CDKAL1: variants seen among roughly 807,000 people sequenced by gnomAD.
The protein encoded by CDKAL1 is threonylcarbamoyladenosine tRNA methylthiotransferase.
Under a neutral mutation model 68.2 loss-of-function variants are expected in CDKAL1, and 32 were observed. The ratio of observed to expected loss-of-function variants is 0.47; its 90% CI spans 0.35 to 0.63. The LOEUF (loss-of-function observed/expected upper bound fraction) is 0.63. Among genes scored for constraint, CDKAL1 ranks in the 30% least tolerant of loss-of-function variants. The pLI, the probability that CDKAL1 is intolerant of heterozygous loss-of-function variation, is 0.00. For missense variants in CDKAL1, 606 were observed against 696.7 expected (o/e 0.87, Z 1.47); for synonymous variants, 234 against 244.3 (o/e 0.96, Z 0.39).
intron 11 of CDKAL1, among the ~76,000 whole-genome samples, chr6:21,053,292 A>G (rs181450193): frequency 5.3e-5 from 8 of 152,344 alleles, no homozygotes; most frequent in South Asian, 2.1e-4. Flanking sequence ...GTTGGTGCAT[A>G]TATCAGTAGT....
intron 11 of CDKAL1, among the ~76,000 whole-genome samples, chr6:21,015,816 C>T (rs1018838399): frequency 4.0e-5 from 6 of 151,698 alleles, no homozygotes; most frequent in South Asian, 4.2e-4. Flanking sequence ...AATCCCATGG[C>T]GCGCGCCTAT....
At chr6:20,551,765 G>C (rs1237340876) in intron 4 of CDKAL1, among the ~76,000 whole-genome samples, 1 of 152,052 alleles carries the variant, frequency 6.6e-6, no homozygotes, top group Admixed American at 6.6e-5. Context: ...GTTAAAAATG[G>C]TCAAAATATG....
chr6:20,724,861 A>G (rs1772570228), intron 5 of CDKAL1, among the ~76,000 whole-genome samples: 1 of 152,226 alleles, frequency 6.6e-6, no homozygotes, highest in Admixed American at 6.5e-5. Context: ...TAGAAAATAT[A>G]AGTATCTCAT....
At chr6:20,978,453 G>A (rs943297270) in intron 10 of CDKAL1, among the ~76,000 whole-genome samples, 3 of 152,160 alleles carry the variant, frequency 2.0e-5, no homozygotes, top group African/African-American at 4.8e-5. Flanking sequence ...TGAGACTGAA[G>A]GAGGCTATTT....
intron 13 of CDKAL1, among the ~76,000 whole-genome samples, chr6:21,186,759 T>G (rs1778030267): frequency 6.7e-6 from 1 of 148,916 alleles, no homozygotes; most frequent in Non-Finnish European, 1.5e-5. Flanking sequence ...TGTGGTGAGG[T>G]TTTTTTTTTA....
At chr6:20,572,727 A>G (rs1188951953) in intron 4 of CDKAL1, among the ~76,000 whole-genome samples, 1 of 152,126 alleles carries the variant, frequency 6.6e-6, no homozygotes, top group Non-Finnish European at 1.5e-5. Flanking sequence ...TTTAAGCAAA[A>G]TTATACTTAA....
intron 13 of CDKAL1, among the ~76,000 whole-genome samples, chr6:21,171,514 T>C (rs1317737452): frequency 2.0e-5 from 3 of 152,136 alleles, no homozygotes; most frequent in Non-Finnish European, 4.4e-5. Flanking sequence ...CCCAGCCAGT[T>C]ACTTCTAAAA....
At chr6:21,014,598 G>A (rs555905152) in intron 11 of CDKAL1, among the ~76,000 whole-genome samples, 32 of 149,978 alleles carry the variant, frequency 2.1e-4, no homozygotes, top group African/African-American at 7.8e-4. Context: ...GTGACAGAGC[G>A]AGACTCCGTC....
At chr6:21,169,715 C>T (rs775956086) in intron 13 of CDKAL1, among the ~76,000 whole-genome samples, 1 of 152,062 alleles carries the variant, frequency 6.6e-6, no homozygotes. Context: ...ATACCCAGGA[C>T]CGGGTAATTT....
chr6:21,191,182 A>G (rs559783387), intron 13 of CDKAL1, among the ~76,000 whole-genome samples: 8 of 152,352 alleles, frequency 5.3e-5, no homozygotes, highest in African/African-American at 1.7e-4. Flanking sequence ...TTATATCCTT[A>G]TATAGCCTTG....
intron 5 of CDKAL1, among the ~76,000 whole-genome samples, chr6:20,735,067 A>T (rs957352502): frequency 6.6e-6 from 1 of 150,530 alleles, no homozygotes; most frequent in African/African-American, 2.5e-5. Context: ...GATGGGTTTC[A>T]CCACGTTGGC....
chr6:20,617,658 A>G (rs1184702102), intron 4 of CDKAL1, among the ~76,000 whole-genome samples: 3 of 152,086 alleles, frequency 2.0e-5, no homozygotes, highest in African/African-American at 7.2e-5. Flanking sequence ...GTGAGTGAGA[A>G]CATGCGGTGT....
chr6:21,196,686 G>C (rs893521465), intron 13 of CDKAL1, among the ~76,000 whole-genome samples: 1 of 152,116 alleles, frequency 6.6e-6, no homozygotes, highest in Admixed American at 6.5e-5. Flanking sequence ...CATGGTAACC[G>C]CCTGAACATG....
rs1372869542 is a variant in CDKAL1, at chr6:20,734,109, A to G, written c.372-5410A>G. ...GGTTGCAGGGAGCTGAGATTATGCC[A>G]CTGCACTCCAACCTGGGCATCAGAG... On this transcript the variant is annotated intron_variant, in intron 5 of 15. Transcript: ENST00000274695. 2.1e-5 allele frequency among the ~76,000 whole-genome samples: 3 copies of G among 143,944 alleles called. No individual in the cohort carries two copies. The Admixed American group carries it at 2.1e-4, about 10-fold the overall frequency. 94.4% of individuals were successfully genotyped at this position (143,944 alleles called of 152,430 possible).
At chr6:20,902,216 A>G (rs1161795459) in intron 9 of CDKAL1, among the ~76,000 whole-genome samples, 2 of 152,048 alleles carry the variant, frequency 1.3e-5, no homozygotes, top group African/African-American at 4.8e-5. Flanking sequence ...TTTCCAAAGG[A>G]TCAGTAGCTG....
chr6:20,714,517 T>TA (rs1005603731), intron 5 of CDKAL1, among the ~76,000 whole-genome samples: 3 of 150,842 alleles, frequency 2.0e-5, no homozygotes, highest in African/African-American at 7.3e-5. Context: ...GCCTCCCAAG[T>TA]AGCTGACACT....
At chr6:20,576,454 T>C (rs188891659) in intron 4 of CDKAL1, among the ~76,000 whole-genome samples, 24 of 152,356 alleles carry the variant, frequency 1.6e-4, no homozygotes, top group Non-Finnish European at 2.8e-4. Context: ...TTACTGAAAA[T>C]TTTATGCTCT....
intron 15 of CDKAL1, among the ~76,000 whole-genome samples, chr6:21,204,594 A>G (rs1258301603): frequency 2.0e-5 from 3 of 152,190 alleles, no homozygotes; most frequent in Admixed American, 6.5e-5. Context: ...AATATGCTAC[A>G]TGTGTTCACT....
chr6:21,069,550 T>C (rs1771641607), intron 12 of CDKAL1, among the ~76,000 whole-genome samples: 1 of 152,042 alleles, frequency 6.6e-6, no homozygotes, highest in African/African-American at 2.4e-5. Context: ...GTTGTCTTGG[T>C]TATATTTCAT....
Sources: allele counts gnomAD v4.1 joint callset (sites outside exome capture counted in the v4.1 genomes callset), GRCh38; gene constraint gnomAD v4.1.1; transcripts MANE v1.5; gene names NCBI Gene and HGNC (gene_info 2026-07-23, HGNC 2026-07-21).